The following EDN3 variants were observed in gnomAD, a reference collection of about 807,000 sequenced individuals.
EDN3 encodes the protein endothelin-3.
In EDN3, 9 loss-of-function variants were observed where a neutral mutation model predicts 21.4. The ratio of observed to expected loss-of-function variants is 0.42; its 90% confidence interval spans 0.25 to 0.73. EDN3 has a LOEUF of 0.73. EDN3 is among the 30% of genes least tolerant of loss of function. EDN3 has a pLI of 0.26. For missense variants in EDN3, 327 were observed against 309.4 expected (o/e 1.06, Z -0.43); for synonymous variants, 133 against 126.2 (o/e 1.05, Z -0.36).
In EDN3 at chr20:59,324,561, G is replaced by T; in HGVS notation, c.*102G>T. On this transcript the variant is annotated 3_prime_UTR_variant, in exon 5 of 5. Transcript: ENST00000337938. ...ATAGACAAGAAGTGAATTTGCCTGGGGCAGAACACCCACCCAAAGAGTCCC... is the reference window on the plus strand; with the variant it reads ...ATAGACAAGAAGTGAATTTGCCTGGTGCAGAACACCCACCCAAAGAGTCCC... 6.4e-7 allele frequency: 1 copy of T among 1,557,050 alleles called. No homozygotes were observed.
At chr20:59,301,160 G>A (rs1452985290) in intron 1 of EDN3, among the ~76,000 whole-genome samples, 1 of 152,224 alleles carries the variant, frequency 6.6e-6, no homozygotes, top group Middle Eastern at 3.2e-3. Context: ...CTATTCAGAG[G>A]CTGTGCCAAA....
intron 2 of EDN3, among the ~76,000 whole-genome samples, chr20:59,315,776 G>T (rs1443539128): frequency 6.6e-6 from 1 of 152,122 alleles, no homozygotes; most frequent in African/African-American, 2.4e-5. Flanking sequence ...CAGAATGGAG[G>T]GTTTACGCCC....
chr20:59,321,220 A>G (rs760527178), intron 3 of EDN3, 27 bp downstream of exon 3: 1 of 1,613,342 alleles, frequency 6.2e-7, no homozygotes, highest in South Asian at 1.1e-5. Context: ...AGTTTCACTC[A>G]TTTGCAGATA....
rs1306262526 is a variant in EDN3 at position 59,324,365 on chromosome 20, T to C, written c.623T>C (p.Leu208Ser). Residue 208 changes from leucine to serine, a missense_variant, in exon 5 of 5, where the codon TTA (leucine) becomes TCA (serine). Physicochemically the swap from Leu to Ser is moderately radical, Grantham distance 145 (BLOSUM62 -2). Coordinates refer to ENST00000337938, the MANE Select transcript of EDN3 (RefSeq NM_207034.3). ...AAGGACCAACAAAGCAAGCAGGCTT[T>C]AGACCTCCACCATCCAAAGCTCATG... ...EVKDQQSKQA[L>S]DLHHPKLMPG... 11 of 1,614,180 alleles carry C rather than the reference T, an allele frequency of 6.8e-6. No homozygotes were observed. In the East Asian group the frequency reaches 2.5e-4, roughly 36 times the overall value.
At chr20:59,308,660 G>A (rs1041218261) in intron 2 of EDN3, among the ~76,000 whole-genome samples, 2 of 152,202 alleles carry the variant, frequency 1.3e-5, no homozygotes, top group African/African-American at 4.8e-5. Flanking sequence ...AGTACACAGG[G>A]CGTGGTTAGC....
Position 59,324,490 on chromosome 20 carries a change from G to T in EDN3, c.*31G>T. ...CAGGCCTGCAGCATCCTGGTCTCGGGAGGCTTCTGTCATTGCTCACACACA... is the reference window on the plus strand; with the variant it reads ...CAGGCCTGCAGCATCCTGGTCTCGGTAGGCTTCTGTCATTGCTCACACACA... On this transcript the variant is annotated 3_prime_UTR_variant, in exon 5 of 5. Coordinates refer to ENST00000337938, the MANE Select transcript of EDN3 (RefSeq NM_207034.3). The T allele has an allele frequency of 6.2e-7, 1 of 1,613,788 alleles. No individual in the cohort carries two copies. The highest frequency in any genetic ancestry group is 1.7e-4 in the Middle Eastern group (1 of 6,060).
chr20:59,322,753 G>A lies in EDN3; in HGVS notation c.588+336G>A, dbSNP rs773785109. Among the ~76,000 whole-genome samples the A allele has an allele frequency of 3.3e-5, 5 of 152,160 alleles. No individual in the cohort carries two copies. In the South Asian group the frequency reaches 6.2e-4, roughly 19 times the overall value. Reference sequence around the variant, plus strand: ...GCCTGGACAAAGCTAGTCAACCACCGCTCTCAGAGGCCCTGTAGGCTGCTC... The same window carrying A: ...GCCTGGACAAAGCTAGTCAACCACCACTCTCAGAGGCCCTGTAGGCTGCTC... On this transcript the variant is annotated intron_variant, in intron 4 of 4. Coordinates refer to ENST00000337938, the MANE Select transcript of EDN3 (RefSeq NM_207034.3). The surrounding 1 kb of genome is among the most constrained non-coding windows in gnomAD (Gnocchi z 4.1).
chr20:59,321,250 G>A lies in EDN3; in HGVS notation c.542+57G>A, dbSNP rs1342773485. The A allele has an allele frequency of 1.9e-6, 3 of 1,582,740 alleles. No individual in the cohort carries two copies. The Admixed American group carries it at 5.0e-5, about 26-fold the overall frequency. On this transcript the variant is annotated intron_variant, in intron 3 of 4. Coordinates refer to ENST00000337938, the MANE Select transcript of EDN3 (RefSeq NM_207034.3). ...CAGATATGCATCAACCCTCGGCAAG[G>A]CCAGGCCAGGGGCTTCTCAAAGGAG...
At chr20:59,316,100 C>T (rs1047168758) in intron 2 of EDN3, among the ~76,000 whole-genome samples, 3 of 152,074 alleles carry the variant, frequency 2.0e-5, no homozygotes, top group Non-Finnish European at 2.9e-5. Context: ...GCACGAGAAT[C>T]GCTCAAACCC....
chr20:59,313,067 AG>A lies in EDN3; in HGVS notation c.366-7948del. On this transcript the variant is annotated intron_variant, in intron 2 of 4. Coordinates refer to ENST00000337938, the MANE Select transcript of EDN3 (RefSeq NM_207034.3). ...ATCTAGAGGCCACAAGTAATCTAGA[AG>A]GTTTTCTAGGAAAACCCCTCAAAGA... Among the ~76,000 whole-genome samples, 2 of 152,356 alleles carry A rather than the reference AG, an allele frequency of 1.3e-5. 1 individual carries two copies. The highest frequency in any genetic ancestry group is 2.9e-5 in the Non-Finnish European group (2 of 68,026).
Position 59,321,203 on chromosome 20 carries a change from C to T in EDN3, c.542+10C>T, listed in dbSNP as rs775388121. 4 of 1,614,168 alleles carry T rather than the reference C, an allele frequency of 2.5e-6. No homozygotes were observed. Among genetic ancestry groups the T allele is most frequent in the Non-Finnish European group, 3.4e-6 (4 of 1,179,982 alleles). On this transcript the variant is annotated intron_variant, in intron 3 of 4. Transcript: ENST00000337938. ...CTCTGGACGTCAGCAGGTATGACAC[C>T]TCCTCCAGTTTCACTCATTTGCAGA...
chr20:59,300,715 G>C lies in EDN3; in HGVS notation c.-98G>C. The C allele has an allele frequency of 1.5e-6, 2 of 1,340,744 alleles. No homozygotes were observed. The highest frequency in any genetic ancestry group is 1.0e-6 in the Non-Finnish European group (1 of 965,972). The allele number at this position is 1,340,744 out of a possible 1,614,324, so 83.1% of individuals were successfully genotyped here. A position where few individuals can be genotyped will look rare whatever the true frequency, so the allele number is the denominator to read the frequency against. On this transcript the variant is annotated 5_prime_UTR_variant, in exon 1 of 5. Coordinates refer to ENST00000337938, the MANE Select transcript of EDN3 (RefSeq NM_207034.3). ...GATCGGCCGGCCTCGAACCCCCACA[G>C]CTGGAGGGCGAGGCCAGCTGTACCC... is the stretch of plus-strand genomic sequence containing the variant.
In EDN3 at chr20:59,322,447, A is replaced by G; in HGVS notation, c.588+30A>G. 6.2e-7 allele frequency: 1 copy of G among 1,614,198 alleles called. No individual in the cohort carries two copies. The highest frequency in any genetic ancestry group is 8.5e-7 in the Non-Finnish European group (1 of 1,180,008). On this transcript the variant is annotated intron_variant, in intron 4 of 4. Transcript: ENST00000337938. The surrounding 1 kb of genome is among the most constrained non-coding windows in gnomAD (Gnocchi z 4.1). The stretch of plus-strand genomic sequence containing the variant: ...GAGGTGCCAACAGAGGCCTGTGTCA[A>G]AGGAGGTGAAGATGTGACGTGTCAT...
chr20:59,307,708 A>T (rs1040427266), intron 2 of EDN3, among the ~76,000 whole-genome samples: 2 of 152,156 alleles, frequency 1.3e-5, no homozygotes, highest in African/African-American at 4.8e-5. Flanking sequence ...ACAGTGTCTC[A>T]TTCTGTCGCC....
Position 59,301,645 on chromosome 20 carries a change from C to G in EDN3, c.288C>G (p.Arg96=). Residue 96 remains arginine, a synonymous_variant, in exon 2 of 5, where the codon CGC becomes CGG. Coordinates refer to ENST00000337938, the MANE Select transcript of EDN3 (RefSeq NM_207034.3). ...EGAPEHHRSR[R]CTCFTYKDKE... is the part of the protein sequence containing the mutation. ...CCCCTGAGCACCACCGATCCAGGCG[C>G]TGCACGTGCTTCACCTACAAGGACA... The G allele has an allele frequency of 6.2e-7, 1 of 1,614,214 alleles. No homozygotes were observed. Among genetic ancestry groups the G allele is most frequent in the Non-Finnish European group, 8.5e-7 (1 of 1,180,022 alleles).
intron 1 of EDN3, 95 bp downstream of exon 1, chr20:59,300,959 G>A: frequency 7.0e-7 from 1 of 1,435,002 alleles, no homozygotes; most frequent in Non-Finnish European, 9.5e-7. Context: ...GTGCGTCGCG[G>A]GGAGCAAACT....
At position 59,324,589 on chromosome 20, in the gene EDN3, C is replaced by A; in HGVS notation, c.*130C>A. On this transcript the variant is annotated 3_prime_UTR_variant, in exon 5 of 5. Coordinates refer to ENST00000337938, the MANE Select transcript of EDN3 (RefSeq NM_207034.3). ...AGAACACCCACCCAAAGAGTCCCCA[C>A]TTAACAATACCCCCCCCCCACGGCA... 3.2e-6 allele frequency: 4 copies of A among 1,246,916 alleles called. No individual in the cohort carries two copies. Among genetic ancestry groups the A allele is most frequent in the Non-Finnish European group, 4.5e-6 (4 of 888,000 alleles). 77.2% of individuals were successfully genotyped at this position (1,246,916 alleles called of 1,614,324 possible).
At chr20:59,303,874 T>C (rs1034486645) in intron 2 of EDN3, among the ~76,000 whole-genome samples, 9 of 152,196 alleles carry the variant, frequency 5.9e-5, no homozygotes, top group African/African-American at 1.7e-4. Flanking sequence ...TTAAACATGA[T>C]GAAAGAAGGA....
chr20:59,314,508 G>C (rs1366165594), intron 2 of EDN3, among the ~76,000 whole-genome samples: 1 of 152,006 alleles, frequency 6.6e-6, no homozygotes, highest in Admixed American at 6.5e-5. Context: ...AGGATTGGGG[G>C]TCTAGGGGTG....
Sources: gnomAD v4.1 joint callset for allele counts (sites outside exome capture counted in the v4.1 genomes callset) on GRCh38, gnomAD v4.1.1 for gene constraint, Gnocchi (gnomAD v3.1) non-coding constraint, MANE v1.5 for transcripts, NCBI Gene and HGNC (gene_info 2026-07-23, HGNC 2026-07-21) for gene names.